L3MBTL4: variants seen among roughly 807,000 people sequenced by gnomAD.
The protein encoded by L3MBTL4 is lethal(3)malignant brain tumor-like protein 4.
A neutral mutation model predicts 84.5 loss-of-function variants in L3MBTL4; 70 were observed. That is an observed-to-expected ratio of 0.83 (90% confidence interval 0.68 to 1.01). The LOEUF is 1.01. L3MBTL4 is among the 50% of genes least tolerant of loss of function. L3MBTL4 has a pLI of 0.00. For missense variants in L3MBTL4, 715 were observed against 754.8 expected (o/e 0.95, Z 0.62); for synonymous variants, 274 against 259.8 (o/e 1.05, Z -0.52).
At chr18:6,248,575 G>T (rs1050086277) in intron 5 of L3MBTL4, among the ~76,000 whole-genome samples, 9 of 152,164 alleles carry the variant, frequency 5.9e-5, no homozygotes, top group Non-Finnish European at 1.2e-4. Flanking sequence ...CCTCGTGGAG[G>T]TCACCAACTT....
rs1310000354 is a variant in L3MBTL4 at position 6,414,470 on chromosome 18, A to G, written c.-91+331T>C. Among the ~76,000 whole-genome samples the G allele has an allele frequency of 6.6e-6, 1 of 152,026 alleles. No individual in the cohort carries two copies. Among genetic ancestry groups the G allele is most frequent in the East Asian group, 1.9e-4 (1 of 5,148 alleles). The stretch of plus-strand genomic sequence containing the variant: ...TGCGCTGGCTCCAGGGCGCCCAGGT[A>G]GCCGCGCCTGGCACCCCGACCCTGC... On this transcript the variant is annotated intron_variant, in intron 1 of 18. Transcript: ENST00000317931. This position sits in a 1 kb window ranked among gnomAD's most constrained non-coding sequence, Gnocchi z 5.4.
chr18:6,297,670 G>A (rs2050163114), intron 4 of L3MBTL4, among the ~76,000 whole-genome samples: 3 of 152,170 alleles, frequency 2.0e-5, no homozygotes, highest in Non-Finnish European at 4.4e-5. Context: ...ATTACAACAT[G>A]ATTAAATACT....
chr18:6,035,519 G>C (rs962205251), intron 16 of L3MBTL4, among the ~76,000 whole-genome samples: 1 of 151,790 alleles, frequency 6.6e-6, no homozygotes, highest in African/African-American at 2.4e-5. Flanking sequence ...TCTCTGTTTT[G>C]GTACCAGTAC....
chr18:5,986,765 G>A (rs1337124932), intron 16 of L3MBTL4, among the ~76,000 whole-genome samples: 2 of 152,208 alleles, frequency 1.3e-5, no homozygotes, highest in African/African-American at 2.4e-5. Context: ...AGGGGCTTGG[G>A]CAGTGGGCAT....
intron 7 of L3MBTL4, among the ~76,000 whole-genome samples, chr18:6,242,984 T>C (rs2047514310): frequency 6.6e-6 from 1 of 152,230 alleles, no homozygotes; most frequent in African/African-American, 2.4e-5. Flanking sequence ...ATTTAAATAT[T>C]AGTCTGCACT....
At chr18:6,169,088 T>C (rs2043831605) in intron 13 of L3MBTL4, among the ~76,000 whole-genome samples, 1 of 152,192 alleles carries the variant, frequency 6.6e-6, no homozygotes, top group Non-Finnish European at 1.5e-5. Flanking sequence ...CTGCTTATCG[T>C]CACTGGTCAT....
chr18:6,370,185 C>CAAGGGTG (rs1336550804), intron 1 of L3MBTL4, among the ~76,000 whole-genome samples: 2 of 149,768 alleles, frequency 1.3e-5, no homozygotes, highest in East Asian at 3.9e-4. Context: ...CTATTGGACA[C>CAAGGGTG]AAGGGTGAAG....
At chr18:6,031,551 G>A (rs1416154306) in intron 16 of L3MBTL4, 2 of 964,890 alleles carry the variant, frequency 2.1e-6, no homozygotes, top group East Asian at 2.3e-4. Context: ...AGGTGGGCCG[G>A]TCAGTTCTGA....
chr18:6,038,355 G>A (rs1176913672), intron 16 of L3MBTL4, among the ~76,000 whole-genome samples: 1 of 147,226 alleles, frequency 6.8e-6, no homozygotes, highest in East Asian at 2.1e-4. Context: ...TCGGGTTCAC[G>A]CCATTCTCCT....
At chr18:6,212,060 G>T (rs2046131050) in intron 12 of L3MBTL4, among the ~76,000 whole-genome samples, 1 of 152,104 alleles carries the variant, frequency 6.6e-6, no homozygotes, top group Admixed American at 6.5e-5. Context: ...TAAAATTCCA[G>T]AAATAAATAA....
chr18:6,163,270 T>G (rs71360019), intron 13 of L3MBTL4, among the ~76,000 whole-genome samples: 4,870 of 51,664 alleles, frequency 0.094, 6 homozygotes, highest in Non-Finnish European at 0.11. Context: ...GGGGGGGGGG[T>G]GGGTGTGTGT....
chr18:6,106,201 C>T (rs1224903817), intron 14 of L3MBTL4, among the ~76,000 whole-genome samples: 1 of 152,212 alleles, frequency 6.6e-6, no homozygotes, highest in African/African-American at 2.4e-5. Context: ...CTTTTAACTA[C>T]TCTGCCAAAC....
At chr18:6,003,083 A>ACACAAACAG (rs1432832606) in intron 16 of L3MBTL4, among the ~76,000 whole-genome samples, 27 of 101,260 alleles carry the variant, frequency 2.7e-4, no homozygotes, top group Admixed American at 3.5e-4. Flanking sequence ...GAGATACTAT[A>ACACAAACAG]TAAAATATAG....
At chr18:6,260,464 C>A (rs1346581036) in intron 5 of L3MBTL4, 1 of 152,040 alleles carries the variant, frequency 6.6e-6, no homozygotes, top group Non-Finnish European at 1.5e-5. Flanking sequence ...TTTCTTTTAG[C>A]CGTGTTTTGT....
At chr18:6,196,435 G>A (rs1033667368) in intron 12 of L3MBTL4, among the ~76,000 whole-genome samples, 1 of 152,082 alleles carries the variant, frequency 6.6e-6, no homozygotes, top group Non-Finnish European at 1.5e-5. Flanking sequence ...GGGATTACAG[G>A]CATGAGCCAC....
intron 3 of L3MBTL4, among the ~76,000 whole-genome samples, chr18:6,304,032 A>C (rs2050468830): frequency 6.7e-6 from 1 of 149,076 alleles, no homozygotes; most frequent in African/African-American, 2.5e-5. Context: ...AAAAAAAACA[A>C]AAAAAAAAGA....
chr18:6,264,365 C>G (rs1000677515), intron 4 of L3MBTL4, among the ~76,000 whole-genome samples: 1 of 152,204 alleles, frequency 6.6e-6, no homozygotes, highest in Non-Finnish European at 1.5e-5. Flanking sequence ...AGTGATTTAG[C>G]TAATTTTACA....
intron 14 of L3MBTL4, among the ~76,000 whole-genome samples, chr18:6,121,685 C>CGTGTGTGTGTGTGTGTGT (rs762077935): frequency 7.0e-6 from 1 of 142,834 alleles, no homozygotes; most frequent in African/African-American, 2.6e-5. Flanking sequence ...ATTGTTTCCC[C>CGTGTGTGTGTGTGTGTGT]GTGTGTGTGT....
intron 16 of L3MBTL4, among the ~76,000 whole-genome samples, chr18:6,046,564 A>G (rs923090637): frequency 6.6e-6 from 1 of 152,210 alleles, no homozygotes; most frequent in African/African-American, 2.4e-5. Context: ...GTACTCTCAG[A>G]CCACGGTGGA....
Sources: allele counts gnomAD v4.1 joint callset (sites outside exome capture counted in the v4.1 genomes callset), GRCh38; gene constraint gnomAD v4.1.1; non-coding constraint Gnocchi (gnomAD v3.1); transcripts MANE v1.5; gene names NCBI Gene and HGNC (gene_info 2026-07-23, HGNC 2026-07-21).